Variants in TCF7 observed in about 807,000 individuals in gnomAD.
The protein encoded by TCF7 is transcription factor 7.
Under a neutral mutation model 46.8 loss-of-function variants are expected in TCF7, and 19 were observed. That is an observed-to-expected ratio of 0.41 (90% CI 0.28 to 0.60). The LOEUF (loss-of-function observed/expected upper bound fraction) is 0.60, where lower values mean the gene tolerates loss of function less well. Ranked by LOEUF, TCF7 falls within the 20% of genes least tolerant of loss-of-function variation. The pLI, the probability that TCF7 is intolerant of heterozygous loss-of-function variation, is 0.35. For missense variants in TCF7, 547 were observed against 504.6 expected, an observed-to-expected ratio of 1.08 and a Z score of -0.81; for synonymous variants, 245 against 213.4, an observed-to-expected ratio of 1.15 and a Z score of -1.29.
intron 9 of TCF7, chr5:134,145,268 C>T (rs1760521945): frequency 1.8e-6 from 1 of 544,316 alleles, no homozygotes; most frequent in Admixed American, 1.9e-5. Flanking sequence ...AGATGGGATC[C>T]CTGCCTGTAC....
chr5:134,132,803 G>A (rs1018120507), intron 3 of TCF7, among the ~76,000 whole-genome samples: 1 of 152,164 alleles, frequency 6.6e-6, no homozygotes, highest in Non-Finnish European at 1.5e-5. Flanking sequence ...CTTCAGAACA[G>A]AGGAGAACTA....
chr5:134,129,974 G>A (rs73790168), intron 3 of TCF7, among the ~76,000 whole-genome samples: 5,179 of 152,312 alleles, frequency 0.034, 244 homozygotes, highest in African/African-American at 0.11. Context: ...AGGTGGCCAC[G>A]CATCCACACT....
At chr5:134,116,225 G>T (rs1367096211) in intron 3 of TCF7, 192 bp downstream of exon 3, 1 of 1,294,032 alleles carries the variant, frequency 7.7e-7, no homozygotes, top group Non-Finnish European at 1.0e-6. Flanking sequence ...GCCGCCCTGG[G>T]GCACCCCCCT....
rs1176711511 is a variant in TCF7 at position 134,115,124 on chromosome 5, G to C, written c.218G>C (p.Gly73Ala). 1 of 1,018,048 alleles carries C rather than the reference G, an allele frequency of 9.8e-7. No homozygotes were observed. The highest frequency in any genetic ancestry group is 1.8e-5 in the African/African-American group (1 of 57,096). 63.1% of individuals were successfully genotyped at this position (1,018,048 alleles called of 1,614,324 possible). Reference sequence around the variant, plus strand: ...GGCGCAGGGATCCCGGGGGTCCCGGGGGCCGGCGCCGGGGCCCGCGGCGAG... The same window carrying C: ...GGCGCAGGGATCCCGGGGGTCCCGGCGGCCGGCGCCGGGGCCCGCGGCGAG... ...AGGAGIPGVP[G>A]AGAGARGEAE... is the part of the protein sequence containing the mutation. The change falls in exon 1 of 10, where the codon GGG becomes GCG. Residue 73 changes from glycine to alanine, a missense_variant. This residue lies in a region of TCF7 where 425 missense variants were observed against 349.9 expected (regional missense o/e 1.21). Transcript: ENST00000342854.
chr5:134,134,173 T>C (rs1210639310), intron 3 of TCF7, among the ~76,000 whole-genome samples: 1 of 152,248 alleles, frequency 6.6e-6, no homozygotes, highest in East Asian at 1.9e-4. Flanking sequence ...TCTCACTACC[T>C]TGGGGCAGAG....
intron 4 of TCF7, 163 bp downstream of exon 4, chr5:134,138,327 A>G (rs930876337): frequency 1.6e-6 from 1 of 622,132 alleles, no homozygotes; most frequent in Admixed American, 3.2e-5. Flanking sequence ...TGGGGGTATA[A>G]GGGCATCAGA....
At chr5:134,124,084 G>A (rs915502475) in intron 3 of TCF7, among the ~76,000 whole-genome samples, 1 of 152,120 alleles carries the variant, frequency 6.6e-6, no homozygotes, top group Non-Finnish European at 1.5e-5. Context: ...GCTCGCTCAG[G>A]TCCCAAGGCC....
At chr5:134,134,376 C>A (rs1423647439) in intron 3 of TCF7, among the ~76,000 whole-genome samples, 1 of 152,364 alleles carries the variant, frequency 6.6e-6, no homozygotes, top group Admixed American at 6.5e-5. Flanking sequence ...ACTCGAAAGC[C>A]CCCCATGCTC....
At chr5:134,109,633 G>C in the TCF7 span, among the ~76,000 whole-genome samples, 1 of 152,126 alleles carries the variant, frequency 6.6e-6, no homozygotes, top group Non-Finnish European at 1.5e-5. Context: ...AGCCGAGCGT[G>C]GTGGCAGGTG....
In TCF7 at chr5:134,142,246, C is replaced by T. The variant is rs1396852994; in HGVS notation, c.697C>T (p.His233Tyr). The T allele has an allele frequency of 6.2e-7, 1 of 1,610,932 alleles. No homozygotes were observed. The highest frequency in any genetic ancestry group is 8.5e-7 in the Non-Finnish European group (1 of 1,177,520). ...ACCTGGTCACCCAGCAGCCATCCCC[C>T]ACCCGGCCATTGTGCCCCCCTCAGG... Reference protein sequence around the residue: ...GVPGHPAAIPHPAIVPPSGKQ... With the variant: ...GVPGHPAAIPYPAIVPPSGKQ... Residue 233 changes from histidine (H) to tyrosine (Y), a missense_variant, in exon 6 of 10, where the codon CAC (histidine) becomes TAC (tyrosine). Transcript: ENST00000342854.
intron 3 of TCF7, among the ~76,000 whole-genome samples, chr5:134,134,494 C>A (rs371782891): frequency 3.9e-5 from 6 of 152,334 alleles, no homozygotes; most frequent in South Asian, 4.1e-4. Context: ...TCAGCTGTCA[C>A]GAGGCCTGGT....
chr5:134,142,147 A>T, intron 5 of TCF7, 38 bp from the exon 6 acceptor site: 1 of 1,613,504 alleles, frequency 6.2e-7, no homozygotes, highest in Non-Finnish European at 8.5e-7. Context: ...TCTGGCCCAT[A>T]ATTCTTGGCT....
rs1757866029 is a variant in TCF7, at chr5:134,129,849, C to T, written c.442-8210C>T. ...GGCCAGGCGGTGGGTGGACTGGCCA[C>T]ACGCACCTAGCAGAGCTCTGTGCAA... On this transcript the variant is annotated intron_variant, in intron 3 of 9. Coordinates refer to ENST00000342854, the MANE Select transcript of TCF7 (RefSeq NM_003202.5). Among the ~76,000 whole-genome samples, 3 of 152,356 alleles carry T rather than the reference C, an allele frequency of 2.0e-5. No homozygotes were observed. The South Asian group carries it at 6.2e-4, about 32-fold the overall frequency.
intron 6 of TCF7, 116 bp downstream of exon 6, chr5:134,142,420 T>C (rs1759958823): frequency 1.6e-6 from 2 of 1,278,876 alleles, no homozygotes; most frequent in African/African-American, 3.0e-5. Flanking sequence ...CCTCTGGCTA[T>C]GTTTTTGATC....
intron 5 of TCF7, chr5:134,140,400 A>G: frequency 5.4e-6 from 1 of 183,788 alleles, no homozygotes; most frequent in South Asian, 9.5e-5. Flanking sequence ...CAGGGATTTG[A>G]GGAGGAAGGG....
At chr5:134,138,249 C>T in intron 4 of TCF7, 85 bp downstream of exon 4, 1 of 1,237,576 alleles carries the variant, frequency 8.1e-7, no homozygotes, top group Non-Finnish European at 1.2e-6. Context: ...TAGCTGGGTC[C>T]ATTTTATAAC....
Position 134,147,455 on chromosome 5 carries a change from G to A in TCF7, c.*1152G>A, listed in dbSNP as rs968793516. The stretch of plus-strand genomic sequence containing the variant: ...CAAACCCAAAACCTCATGACAGCCA[G>A]AGCCTGTCTTTCAGCATTCAGTCCG... On this transcript the variant is annotated 3_prime_UTR_variant, in exon 10 of 10. Transcript: ENST00000342854. The A allele has an allele frequency of 6.6e-6, 1 of 152,578 alleles. No homozygotes were observed. The highest frequency in any genetic ancestry group is 2.4e-5 in the African/African-American group (1 of 41,430). The allele number at this position is 152,578 out of a possible 1,614,324, so 9.5% of individuals were successfully genotyped here.
At chr5:134,143,122 GCAGGGGT>G (rs771683310) in intron 8 of TCF7, 22 bp downstream of exon 8, 71 of 1,573,540 alleles carry the variant, frequency 4.5e-5, no homozygotes, top group Non-Finnish European at 5.7e-5. Context: ...GTGACACACA[GCAGGGGT>G]GGGCAGGGGA....
chr5:134,137,063 T>G (rs765755206), intron 3 of TCF7, among the ~76,000 whole-genome samples: 1 of 152,252 alleles, frequency 6.6e-6, no homozygotes, highest in Non-Finnish European at 1.5e-5. Flanking sequence ...CAGCCAGGTC[T>G]TCCTGGGGAG....
Sources: allele counts gnomAD v4.1 joint callset (sites outside exome capture counted in the v4.1 genomes callset), GRCh38; gene constraint gnomAD v4.1.1; regional missense constraint gnomAD v4.1.1; transcripts MANE v1.5; gene names NCBI Gene and HGNC (gene_info 2026-07-23, HGNC 2026-07-21).